The following UHRF2 variants were observed in gnomAD, a reference collection of about 807,000 sequenced individuals.
UHRF2 encodes the protein E3 ubiquitin-protein ligase UHRF2.
A neutral mutation model predicts 96.8 loss-of-function variants in UHRF2; 23 were observed. The observed-to-expected ratio is 0.24, with a 90% CI of 0.17 to 0.34. The LOEUF is 0.34. Among genes scored for constraint, UHRF2 ranks in the 10% least tolerant of loss-of-function variants. The pLI, the probability that UHRF2 is intolerant of heterozygous loss-of-function variation, is 1.00. For missense variants in UHRF2, 685 were observed against 981.5 expected, an observed-to-expected ratio of 0.70 and a Z score of 4.04; for synonymous variants, 385 against 332.6, an observed-to-expected ratio of 1.16 and a Z score of -1.72.
rs1587805862 is a variant in UHRF2, at chr9:6,446,688, T to C, written c.644+12515T>C. ...CCAACGTGGTGAAACCCCGTCTCTA[T>C]AGGAAAATTTGCTTGGTGTGGTGGT... is the stretch of plus-strand genomic sequence containing the variant. On this transcript the variant is annotated intron_variant, in intron 3 of 15. Coordinates refer to ENST00000276893, the MANE Select transcript of UHRF2 (RefSeq NM_152896.3). Among the ~76,000 whole-genome samples, 6 of 151,594 alleles carry C rather than the reference T, an allele frequency of 4.0e-5. No individual in the cohort carries two copies. The South Asian group carries it at 1.3e-3, about 32-fold the overall frequency.
chr9:6,504,711 CA>C lies in UHRF2; in HGVS notation c.2262+21del. 1 of 1,584,868 alleles carries C rather than the reference CA, an allele frequency of 6.3e-7. No individual in the cohort carries two copies. Among genetic ancestry groups the C allele is most frequent in the Non-Finnish European group, 8.7e-7 (1 of 1,155,554 alleles). ...TGTAAAGTAAGTAGAATTCCTTCCT[CA>C]CTTTCCCTGTTAGGTATGAAGGCAC... On this transcript the variant is annotated intron_variant, in intron 15 of 15. Transcript: ENST00000276893.
At chr9:6,413,881 C>G in intron 1 of UHRF2, 1 of 416,966 alleles carries the variant, frequency 2.4e-6, no homozygotes, top group Non-Finnish European at 4.1e-6. Flanking sequence ...TGAGGGCGTC[C>G]GGAGCGCAAA....
At chr9:6,483,527 A>G (rs752801243) in intron 8 of UHRF2, among the ~76,000 whole-genome samples, 2 of 152,178 alleles carry the variant, frequency 1.3e-5, no homozygotes, top group Non-Finnish European at 2.9e-5. Context: ...CAGTACAGAC[A>G]CAGCCGTCTG....
chr9:6,452,802 T>C, intron 3 of UHRF2, among the ~76,000 whole-genome samples: 1 of 152,242 alleles, frequency 6.6e-6, no homozygotes, highest in South Asian at 2.1e-4. Context: ...TTCTGGGACA[T>C]TTCAGTTTGG....
intron 8 of UHRF2, among the ~76,000 whole-genome samples, chr9:6,482,796 C>G (rs1228820777): frequency 6.6e-6 from 1 of 152,088 alleles, no homozygotes; most frequent in Non-Finnish European, 1.5e-5. Flanking sequence ...CGAGGTTTCA[C>G]CGTGTTAGCC....
intron 9 of UHRF2, among the ~76,000 whole-genome samples, chr9:6,487,842 C>G (rs998588411): frequency 1.3e-5 from 2 of 152,178 alleles, no homozygotes; most frequent in African/African-American, 2.4e-5. Context: ...TAAGTTTTCT[C>G]TTTTAAAAAA....
chr9:6,426,158 C>T (rs528827631), intron 2 of UHRF2, among the ~76,000 whole-genome samples: 25 of 152,322 alleles, frequency 1.6e-4, no homozygotes, highest in African/African-American at 5.8e-4. Context: ...CAATCGAATT[C>T]GGAAGAGCAT....
At chr9:6,456,221 C>T (rs370132) in intron 3 of UHRF2, among the ~76,000 whole-genome samples, 72,212 of 151,780 alleles carry the variant, frequency 0.48, 18,126 homozygotes, top group East Asian at 0.59. Flanking sequence ...TTTTAATGAT[C>T]GCCATTCTAA....
chr9:6,459,136 C>T (rs1400997551), intron 3 of UHRF2, among the ~76,000 whole-genome samples: 1 of 152,108 alleles, frequency 6.6e-6, no homozygotes, highest in East Asian at 1.9e-4. Flanking sequence ...TTGATGGGTG[C>T]AGCAAACCAC....
chr9:6,470,586 A>G (rs965300832), intron 4 of UHRF2, among the ~76,000 whole-genome samples: 3 of 152,180 alleles, frequency 2.0e-5, no homozygotes, highest in African/African-American at 7.2e-5. Flanking sequence ...GGGTAAATGT[A>G]TGAGTAAGTA....
At chr9:6,484,983 G>A (rs1273462615) in intron 8 of UHRF2, among the ~76,000 whole-genome samples, 2 of 151,162 alleles carry the variant, frequency 1.3e-5, no homozygotes, top group Non-Finnish European at 2.9e-5. Flanking sequence ...AGTAGAGATG[G>A]GGTTACTCCA....
At chr9:6,423,861 C>T (rs1156441777) in intron 2 of UHRF2, among the ~76,000 whole-genome samples, 1 of 151,948 alleles carries the variant, frequency 6.6e-6, no homozygotes, top group Non-Finnish European at 1.5e-5. Context: ...AGGAGAATTG[C>T]TTGAACTTGG....
chr9:6,464,698 C>G lies in UHRF2; in HGVS notation c.863+3907C>G, dbSNP rs12006537. On this transcript the variant is annotated intron_variant, in intron 4 of 15. Coordinates refer to ENST00000276893, the MANE Select transcript of UHRF2 (RefSeq NM_152896.3). ...CTCCCATTGATCTTCAGTATCACCTCTGTCATATCAAGAATCTTATATTTG... is the reference window on the plus strand; with the variant it reads ...CTCCCATTGATCTTCAGTATCACCTGTGTCATATCAAGAATCTTATATTTG... Among the ~76,000 whole-genome samples the G allele has an allele frequency of 3.8e-3, 573 of 152,286 alleles. 8 individuals carry two copies. Among genetic ancestry groups the G allele is most frequent in the African/African-American group, 0.013 (557 of 41,572 alleles).
chr9:6,463,585 C>T (rs771475813), intron 4 of UHRF2, among the ~76,000 whole-genome samples: 5 of 151,792 alleles, frequency 3.3e-5, no homozygotes, highest in African/African-American at 4.8e-5. Context: ...GTTCTCCTGC[C>T]GCAGCCACCG....
At chr9:6,430,878 T>C (rs944090709) in intron 2 of UHRF2, among the ~76,000 whole-genome samples, 1 of 152,230 alleles carries the variant, frequency 6.6e-6, no homozygotes, top group Non-Finnish European at 1.5e-5. Flanking sequence ...TTCAGTGGCA[T>C]TGGCTTCTCC....
rs573375781 is a variant in UHRF2, at chr9:6,467,064, A to T, written c.863+6273A>T. Among the ~76,000 whole-genome samples the T allele has an allele frequency of 3.7e-4, 56 of 152,378 alleles. 1 individual carries two copies. Among genetic ancestry groups the T allele is most frequent in the South Asian group, 1.0e-3 (5 of 4,830 alleles). On this transcript the variant is annotated intron_variant, in intron 4 of 15. Transcript: ENST00000276893. The stretch of plus-strand genomic sequence containing the variant: ...TTACCACAAACATAGTAGCTTAAAC[A>T]ATAAAGCATAGTACAGTTTGGAGGT...
intron 1 of UHRF2, chr9:6,414,305 G>A (rs1375994535): frequency 3.9e-5 from 6 of 152,256 alleles, no homozygotes. Flanking sequence ...TTTAACCGGG[G>A]GCCGGGTTTA....
chr9:6,451,546 G>A (rs1472646567), intron 3 of UHRF2, among the ~76,000 whole-genome samples: 3 of 151,454 alleles, frequency 2.0e-5, no homozygotes, highest in South Asian at 2.1e-4. Flanking sequence ...GCGCGATCTC[G>A]GCTCACTGCA....
chr9:6,481,553 A>C, intron 6 of UHRF2, 90 bp from the exon 7 acceptor site: 1 of 1,468,124 alleles, frequency 6.8e-7, no homozygotes, highest in Non-Finnish European at 9.2e-7. Flanking sequence ...TACATCTTAA[A>C]ACTTGCTCTT....
Sources: allele counts gnomAD v4.1 joint callset (sites outside exome capture counted in the v4.1 genomes callset), GRCh38; gene constraint gnomAD v4.1.1; transcripts MANE v1.5; gene names NCBI Gene and HGNC (gene_info 2026-07-23, HGNC 2026-07-21).